The following EYA2 variants were observed in gnomAD, a reference collection of about 807,000 sequenced individuals.
EYA2 encodes the protein EYA transcriptional coactivator and phosphatase 2, also known as protein phosphatase EYA2.
Under a neutral mutation model 69.2 loss-of-function variants are expected in EYA2, and 31 were observed. The ratio of observed to expected loss-of-function variants is 0.45; its 90% CI spans 0.34 to 0.60. The LOEUF (loss-of-function observed/expected upper bound fraction) is 0.60. EYA2 is among the 20% of genes least tolerant of loss of function. EYA2 has a pLI of 0.02. For synonymous variants in EYA2, 257 were observed against 279.4 expected (o/e 0.92, Z 0.80); for missense variants, 622 against 701.2 (o/e 0.89, Z 1.28).
rs796449722 is a variant in EYA2, at chr20:47,074,105, G to C, written c.484-53G>C. 9 of 1,493,150 alleles carry C rather than the reference G, an allele frequency of 6.0e-6. No homozygotes were observed. The East Asian group carries it at 2.2e-4, about 37-fold the overall frequency. The allele number at this position is 1,493,150 out of a possible 1,614,324, so 92.5% of individuals were successfully genotyped here. A position where few individuals can be genotyped will look rare whatever the true frequency, so the allele number is the denominator to read the frequency against. On this transcript the variant is annotated intron_variant, in intron 6 of 15. Transcript: ENST00000327619. ...GAGTGGCCAGGCTGACCAACGGCCC[G>C]AGCCCAGAAAGGCTTCCTCACATAT...
At chr20:47,097,506 G>T (rs566755664) in intron 9 of EYA2, among the ~76,000 whole-genome samples, 2 of 152,210 alleles carry the variant, frequency 1.3e-5, no homozygotes, top group African/African-American at 2.4e-5. Context: ...GCTAGAAAAC[G>T]AGGTAAAGTA....
At chr20:46,996,869 G>T (rs144883872) in intron 2 of EYA2, among the ~76,000 whole-genome samples, 3 of 151,840 alleles carry the variant, frequency 2.0e-5, no homozygotes, top group African/African-American at 4.8e-5. Flanking sequence ...GGAAGAGAGG[G>T]GGGTGGCAAG....
chr20:46,907,467 G>C (rs1984415915), intron 1 of EYA2, among the ~76,000 whole-genome samples: 1 of 152,260 alleles, frequency 6.6e-6, no homozygotes, highest in South Asian at 2.1e-4. Context: ...CTGTGGCAGA[G>C]TGGGGACTCC....
intron 5 of EYA2, among the ~76,000 whole-genome samples, chr20:47,070,476 T>C (rs1261901783): frequency 6.6e-6 from 1 of 152,218 alleles, no homozygotes; most frequent in Non-Finnish European, 1.5e-5. Flanking sequence ...GGAAAACAGT[T>C]TGGCCATTTC....
At chr20:47,125,605 A>G (rs1214496483) in intron 9 of EYA2, among the ~76,000 whole-genome samples, 2 of 152,218 alleles carry the variant, frequency 1.3e-5, no homozygotes, top group Non-Finnish European at 1.5e-5. Context: ...TCTTTTAATG[A>G]CAACTTTATT....
intron 10 of EYA2, among the ~76,000 whole-genome samples, chr20:47,161,888 A>G (rs2034075833): frequency 1.3e-5 from 2 of 152,234 alleles, no homozygotes; most frequent in Admixed American, 6.5e-5. Context: ...CGCCTTGGGC[A>G]CATCTGAGTT....
At chr20:47,066,723 T>C (rs1206810) in intron 5 of EYA2, among the ~76,000 whole-genome samples, 122,107 of 152,196 alleles carry the variant, frequency 0.8, 49,660 homozygotes, top group African/African-American at 0.94. Flanking sequence ...AGCCATGTGC[T>C]CAGCTTAGAA....
intron 9 of EYA2, among the ~76,000 whole-genome samples, chr20:47,120,282 G>A (rs1289932127): frequency 1.3e-5 from 2 of 152,118 alleles, no homozygotes; most frequent in East Asian, 1.9e-4. Context: ...AGGCTGAGGT[G>A]GGAGGATCGC....
chr20:47,011,251 C>G (rs190245801), intron 4 of EYA2, among the ~76,000 whole-genome samples: 40 of 152,314 alleles, frequency 2.6e-4, no homozygotes, highest in African/African-American at 9.4e-4. Context: ...CAGAGGGCAC[C>G]TGCCTCAGTG....
intron 10 of EYA2, among the ~76,000 whole-genome samples, chr20:47,162,782 G>T (rs953935300): frequency 6.6e-6 from 1 of 151,554 alleles, no homozygotes; most frequent in African/African-American, 2.4e-5. Flanking sequence ...GCCTCCCAAA[G>T]TGTTAGGATT....
intron 9 of EYA2, among the ~76,000 whole-genome samples, chr20:47,116,953 A>C (rs1385009099): frequency 6.7e-6 from 1 of 150,334 alleles, no homozygotes; most frequent in African/African-American, 2.5e-5. Context: ...AGAAATGCAG[A>C]GTCTCAGACC....
chr20:47,172,021 C>G (rs1198718502), intron 11 of EYA2, among the ~76,000 whole-genome samples: 1 of 151,918 alleles, frequency 6.6e-6, no homozygotes, highest in Non-Finnish European at 1.5e-5. Context: ...ATCACTTGAA[C>G]CTGGGAGGCA....
At position 47,148,616 on chromosome 20, in the gene EYA2, A is replaced by G. The variant is rs529109470; in HGVS notation, c.978+5468A>G. ...CAGCCAACTGCTGCAGCTTGGGCAT[A>G]AATATCGACACTCCCTCCCCTGCTC... On this transcript the variant is annotated intron_variant, in intron 10 of 15. Coordinates refer to ENST00000327619, the MANE Select transcript of EYA2 (RefSeq NM_005244.5). Among the ~76,000 whole-genome samples, 14 of 152,312 alleles carry G rather than the reference A, an allele frequency of 9.2e-5. No homozygotes were observed. The East Asian group carries it at 2.1e-3, about 23-fold the overall frequency.
intron 9 of EYA2, among the ~76,000 whole-genome samples, chr20:47,128,847 G>A (rs2033264027): frequency 6.6e-6 from 1 of 152,180 alleles, no homozygotes; most frequent in African/African-American, 2.4e-5. Context: ...AAATGGCCAG[G>A]CACGGTGGCT....
At chr20:47,110,227 A>G (rs2032709282) in intron 9 of EYA2, among the ~76,000 whole-genome samples, 2 of 152,146 alleles carry the variant, frequency 1.3e-5, no homozygotes, top group Non-Finnish European at 2.9e-5. Flanking sequence ...GAAGTGGCCC[A>G]CTGCTCTTTA....
chr20:47,168,364 G>A (rs1055659172), intron 10 of EYA2, among the ~76,000 whole-genome samples: 4 of 151,846 alleles, frequency 2.6e-5, no homozygotes, highest in Non-Finnish European at 4.4e-5. Context: ...GCTAATTTGT[G>A]TATTTTAGTA....
chr20:46,986,378 ATT>A (rs1981191901), intron 1 of EYA2, among the ~76,000 whole-genome samples: 1 of 146,130 alleles, frequency 6.8e-6, no homozygotes, highest in Non-Finnish European at 1.5e-5. Context: ...TATATTATGT[ATT>A]ATATATCGAT....
intron 1 of EYA2, among the ~76,000 whole-genome samples, chr20:46,967,595 A>G (rs1272903164): frequency 3.9e-5 from 6 of 152,274 alleles, no homozygotes; most frequent in South Asian, 4.2e-4. Context: ...GACAGAGGGA[A>G]CAGCTGTGAG....
At chr20:47,055,474 A>T (rs2030563042) in intron 5 of EYA2, among the ~76,000 whole-genome samples, 1 of 152,118 alleles carries the variant, frequency 6.6e-6, no homozygotes, top group Non-Finnish European at 1.5e-5. Context: ...TTGTCTCTGG[A>T]GATTCCCACT....
Sources: gnomAD v4.1 joint callset for allele counts (sites outside exome capture counted in the v4.1 genomes callset) on GRCh38, gnomAD v4.1.1 for gene constraint, MANE v1.5 for transcripts, NCBI Gene and HGNC (gene_info 2026-07-23, HGNC 2026-07-21) for gene names.